The following PTPN4 variants were observed in gnomAD, a reference collection of about 807,000 sequenced individuals.
PTPN4 encodes tyrosine-protein phosphatase non-receptor type 4.
In PTPN4, 49 loss-of-function variants were observed where a neutral mutation model predicts 135.5. That is an observed-to-expected ratio of 0.36 (90% CI 0.29 to 0.46). The LOEUF is 0.46. PTPN4 is among the 20% of genes least tolerant of loss of function. The pLI is 1.00. For synonymous variants in PTPN4, 333 were observed against 369.9 expected, an observed-to-expected ratio of 0.90 and a Z score of 1.14; for missense variants, 860 against 1,101.0, an observed-to-expected ratio of 0.78 and a Z score of 3.10.
intron 2 of PTPN4, among the ~76,000 whole-genome samples, chr2:119,843,568 G>A (rs1298859091): frequency 1.6e-4 from 18 of 109,754 alleles, no homozygotes; most frequent in African/African-American, 6.2e-4. Flanking sequence ...AGGGGCGGCC[G>A]GGCAGAGGCG....
At chr2:119,883,458 T>A (rs928764284) in intron 8 of PTPN4, among the ~76,000 whole-genome samples, 1 of 152,190 alleles carries the variant, frequency 6.6e-6, no homozygotes, top group Admixed American at 6.5e-5. Context: ...GATTTTTTTG[T>A]GTGAGTATAA....
At chr2:119,783,571 CAG>C (rs1690986414) in intron 1 of PTPN4, among the ~76,000 whole-genome samples, 1 of 152,140 alleles carries the variant, frequency 6.6e-6, no homozygotes, top group East Asian at 1.9e-4. Context: ...AAATAACAAT[CAG>C]AATAATTTCA....
intron 3 of PTPN4, among the ~76,000 whole-genome samples, chr2:119,874,113 T>C (rs1440167676): frequency 1.3e-5 from 2 of 152,150 alleles, no homozygotes; most frequent in African/African-American, 2.4e-5. Flanking sequence ...CAATGAAATA[T>C]TCAGCAATAA....
At position 119,979,730 on chromosome 2, in the gene PTPN4, G is replaced by A. The variant is rs1679665189; in HGVS notation, c.*2660G>A. 2 of 152,020 alleles carry A rather than the reference G, an allele frequency of 1.3e-5. No individual in the cohort carries two copies. The allele number at this position is 152,020 out of a possible 1,614,324, so 9.4% of individuals were successfully genotyped here. ...TGTGTGATAAAATGCCAAATGTCTT[G>A]TATCTAAGCTACGCTCCCACTCTTC... On this transcript the variant is annotated 3_prime_UTR_variant, in exon 27 of 27. Coordinates refer to ENST00000263708, the MANE Select transcript of PTPN4 (RefSeq NM_002830.4).
intron 2 of PTPN4, among the ~76,000 whole-genome samples, chr2:119,834,756 G>A (rs1300178966): frequency 6.6e-6 from 1 of 152,062 alleles, no homozygotes; most frequent in Non-Finnish European, 1.5e-5. Context: ...TTACAAGTCT[G>A]TGTAATCTCC....
In PTPN4 at chr2:119,820,150, G is replaced by A. The variant is rs183060731; in HGVS notation, c.138+10159G>A. 5.9e-5 allele frequency among the ~76,000 whole-genome samples: 9 copies of A among 152,224 alleles called. No individual in the cohort carries two copies. In the East Asian group the frequency reaches 1.7e-3, roughly 29 times the overall value. On this transcript the variant is annotated intron_variant, in intron 2 of 26. Transcript: ENST00000263708. ...TGCTGGAATTATAGGCATGAGCCGC[G>A]GTGCCTGGCCTATTTGGCTCTTAAA...
At chr2:119,903,556 G>GACAC (rs35324437) in intron 10 of PTPN4, among the ~76,000 whole-genome samples, 2,972 of 147,712 alleles carry the variant, frequency 0.02, 46 homozygotes, top group Admixed American at 0.044. Context: ...TGCAGCTGCT[G>GACAC]ACACACACAC....
At chr2:119,894,731 A>G (rs183590535) in intron 9 of PTPN4, among the ~76,000 whole-genome samples, 6 of 152,328 alleles carry the variant, frequency 3.9e-5, no homozygotes, top group African/African-American at 1.4e-4. Context: ...CCAAAGGAAT[A>G]ATTTTTTTAC....
chr2:119,787,152 C>G (rs113587822), intron 1 of PTPN4, among the ~76,000 whole-genome samples: 3,528 of 152,212 alleles, frequency 0.023, 127 homozygotes, highest in African/African-American at 0.077. Flanking sequence ...TTAGCATTTA[C>G]AAATCTTCTC....
chr2:119,808,924 C>T (rs1347488623), intron 1 of PTPN4, among the ~76,000 whole-genome samples: 4 of 152,134 alleles, frequency 2.6e-5, no homozygotes, highest in Non-Finnish European at 5.9e-5. Context: ...ATTTTGCTTA[C>T]TCATTGTTCA....
At chr2:119,821,929 G>C (rs571602896) in intron 2 of PTPN4, among the ~76,000 whole-genome samples, 1 of 151,752 alleles carries the variant, frequency 6.6e-6, no homozygotes, top group African/African-American at 2.4e-5. Context: ...ATTCCTGATT[G>C]TTTATGTATG....
intron 2 of PTPN4, among the ~76,000 whole-genome samples, chr2:119,852,912 AGTT>A (rs1251503105): frequency 6.6e-6 from 1 of 151,580 alleles, no homozygotes; most frequent in Non-Finnish European, 1.5e-5. Context: ...GTTATTTAGA[AGTT>A]GTTTAATTTC....
At chr2:119,829,782 A>C (rs1407496592) in intron 2 of PTPN4, among the ~76,000 whole-genome samples, 2 of 152,184 alleles carry the variant, frequency 1.3e-5, no homozygotes, top group African/African-American at 4.8e-5. Flanking sequence ...AAACATTGGC[A>C]TACAAGTATC....
chr2:119,827,129 T>G (rs72836823), intron 2 of PTPN4, among the ~76,000 whole-genome samples: 1 of 152,232 alleles, frequency 6.6e-6, no homozygotes. Flanking sequence ...GCCGTACCCC[T>G]ATACATACAC....
chr2:119,925,676 A>C (rs1678813970), intron 12 of PTPN4, among the ~76,000 whole-genome samples: 1 of 152,190 alleles, frequency 6.6e-6, no homozygotes, highest in Non-Finnish European at 1.5e-5. Context: ...TTCCCTTCAT[A>C]ATAAGCAGTG....
intron 1 of PTPN4, among the ~76,000 whole-genome samples, chr2:119,774,472 C>G (rs1690794178): frequency 6.6e-6 from 1 of 152,166 alleles, no homozygotes; most frequent in Non-Finnish European, 1.5e-5. Flanking sequence ...ACCTTTTTAT[C>G]TCACATTGAA....
chr2:119,893,914 A>C (rs576186814), intron 9 of PTPN4, among the ~76,000 whole-genome samples: 6 of 152,190 alleles, frequency 3.9e-5, no homozygotes, highest in South Asian at 4.1e-4. Flanking sequence ...GAAAAAAAAA[A>C]CAAAAACGGA....
chr2:119,882,360 G>A (rs1194045992), intron 7 of PTPN4, 143 bp from the exon 8 acceptor site: 1 of 1,020,444 alleles, frequency 9.8e-7, no homozygotes, highest in Non-Finnish European at 1.4e-6. Flanking sequence ...AATGTTAAAT[G>A]GATTGCTGTG....
At chr2:119,932,635 A>G (rs1262853814) in intron 14 of PTPN4, 86 bp downstream of exon 14, 60 of 1,400,154 alleles carry the variant, frequency 4.3e-5, no homozygotes, top group Non-Finnish European at 5.7e-5. Context: ...CTGAAGACAA[A>G]GATACGCAAA....
Sources: allele counts gnomAD v4.1 joint callset (sites outside exome capture counted in the v4.1 genomes callset), GRCh38; gene constraint gnomAD v4.1.1; transcripts MANE v1.5; gene names NCBI Gene and HGNC (gene_info 2026-07-23, HGNC 2026-07-21).